Variants in AGBL4 observed in about 807,000 individuals in gnomAD.
AGBL4 encodes cytosolic carboxypeptidase 6.
A neutral mutation model predicts 66.4 loss-of-function variants in AGBL4; 58 were observed. The ratio of observed to expected loss-of-function variants is 0.87; its 90% CI spans 0.71 to 1.09. The LOEUF (loss-of-function observed/expected upper bound fraction) is 1.09, where lower values mean the gene tolerates loss of function less well. Among genes scored for constraint, AGBL4 ranks in the 50% least tolerant of loss-of-function variants. The probability of loss-of-function intolerance (pLI) is 0.00; values close to 1 mark genes in which losing one functional copy is unlikely to be tolerated. For synonymous variants in AGBL4, 234 were observed against 222.9 expected (o/e 1.05, Z -0.44); for missense variants, 579 against 631.0 (o/e 0.92, Z 0.88).
At chr1:49,101,188 CTT>C (rs921139596) in intron 4 of AGBL4, among the ~76,000 whole-genome samples, 8 of 143,890 alleles carry the variant, frequency 5.6e-5, no homozygotes, top group Admixed American at 7.0e-5. Context: ...ACTTTTTATT[CTT>C]TTTTTTTTTT....
intron 3 of AGBL4, among the ~76,000 whole-genome samples, chr1:49,610,975 C>A (rs1422680175): frequency 6.6e-6 from 1 of 152,012 alleles, no homozygotes; most frequent in African/African-American, 2.4e-5. Flanking sequence ...AATTGGAAAA[C>A]CAACCAGGGA....
chr1:49,283,705 A>G (rs1257636615), intron 3 of AGBL4, among the ~76,000 whole-genome samples: 1 of 151,170 alleles, frequency 6.6e-6, no homozygotes, highest in African/African-American at 2.4e-5. Context: ...CCAAGGCTCA[A>G]GAACTACGTG....
At chr1:48,904,203 T>C (rs1652363801) in intron 5 of AGBL4, among the ~76,000 whole-genome samples, 2 of 152,160 alleles carry the variant, frequency 1.3e-5, no homozygotes, top group Admixed American at 1.3e-4. Flanking sequence ...CATTTGAACC[T>C]GGGAGGCAGA....
chr1:49,957,319 G>C (rs1472279670), intron 1 of AGBL4, among the ~76,000 whole-genome samples: 1 of 152,102 alleles, frequency 6.6e-6, no homozygotes, highest in Non-Finnish European at 1.5e-5. Flanking sequence ...GTGGTGCTGA[G>C]AAGAATGCAT....
At chr1:48,607,346 G>A (rs1253416005) in intron 9 of AGBL4, among the ~76,000 whole-genome samples, 1 of 152,088 alleles carries the variant, frequency 6.6e-6, no homozygotes, top group Non-Finnish European at 1.5e-5. Context: ...GGCCAGGTGC[G>A]GTAGTTCACT....
intron 9 of AGBL4, among the ~76,000 whole-genome samples, chr1:48,622,463 T>C (rs1014714609): frequency 6.6e-5 from 10 of 151,188 alleles, no homozygotes; most frequent in African/African-American, 2.4e-4. Flanking sequence ...AAGGAATCTT[T>C]TATTCAAATA....
At chr1:49,344,067 A>G (rs1645592130) in intron 3 of AGBL4, among the ~76,000 whole-genome samples, 1 of 152,168 alleles carries the variant, frequency 6.6e-6, no homozygotes, top group Admixed American at 6.6e-5. Context: ...TCTTGAGGAC[A>G]TGTAGAGTTA....
chr1:48,951,006 T>C (rs1446355426), intron 5 of AGBL4, among the ~76,000 whole-genome samples: 10 of 152,208 alleles, frequency 6.6e-5, no homozygotes, highest in Admixed American at 5.2e-4. Context: ...AGTAAACTAA[T>C]ATCATATAAG....
At chr1:48,663,374 A>G (rs1646138072) in intron 6 of AGBL4, 133 bp from the exon 7 acceptor site, 5 of 766,800 alleles carry the variant, frequency 6.5e-6, no homozygotes, top group Admixed American at 6.2e-5. Flanking sequence ...CTGGGTTAGA[A>G]TCATTAAGGT....
intron 9 of AGBL4, among the ~76,000 whole-genome samples, chr1:48,614,430 CCTAA>C (rs1397806961): frequency 6.6e-6 from 1 of 152,158 alleles, no homozygotes; most frequent in East Asian, 1.9e-4. Flanking sequence ...ACTCATTAAT[CCTAA>C]CTAACTTGAA....
intron 3 of AGBL4, among the ~76,000 whole-genome samples, chr1:49,272,153 C>T (rs758222618): frequency 7.2e-5 from 11 of 152,240 alleles, no homozygotes; most frequent in South Asian, 2.1e-4. Flanking sequence ...GTCTTTATAA[C>T]GGAGTAAAAT....
intron 4 of AGBL4, among the ~76,000 whole-genome samples, chr1:49,053,490 C>A (rs961084741): frequency 3.9e-5 from 6 of 151,994 alleles, no homozygotes; most frequent in Non-Finnish European, 7.4e-5. Flanking sequence ...CATGTTGTAA[C>A]CTTCAAGATA....
intron 3 of AGBL4, among the ~76,000 whole-genome samples, chr1:49,313,083 T>G (rs534547215): frequency 2.0e-4 from 30 of 152,148 alleles, no homozygotes; most frequent in African/African-American, 7.2e-4. Flanking sequence ...ATCCATGTGT[T>G]CTCATTGTTC....
chr1:49,157,692 C>T (rs1646461047), intron 4 of AGBL4, among the ~76,000 whole-genome samples: 1 of 152,142 alleles, frequency 6.6e-6, no homozygotes, highest in Non-Finnish European at 1.5e-5. Flanking sequence ...TTTAAATTCC[C>T]ACCAACAGTG....
chr1:50,008,851 C>G (rs955318858), intron 1 of AGBL4, among the ~76,000 whole-genome samples: 1 of 151,978 alleles, frequency 6.6e-6, no homozygotes, highest in Non-Finnish European at 1.5e-5. Context: ...TTCAAAGGAT[C>G]ATTAGAGGCC....
At chr1:49,441,886 C>A (rs1200530860) in intron 3 of AGBL4, among the ~76,000 whole-genome samples, 2 of 152,078 alleles carry the variant, frequency 1.3e-5, no homozygotes, top group Admixed American at 6.6e-5. Flanking sequence ...ACAAAATGGC[C>A]ACGGTGGCAG....
At chr1:49,919,137 G>A (rs1651917066) in intron 1 of AGBL4, among the ~76,000 whole-genome samples, 2 of 152,082 alleles carry the variant, frequency 1.3e-5, no homozygotes, top group Non-Finnish European at 2.9e-5. Context: ...CATACTCAAT[G>A]GACAAAAACT....
chr1:48,564,782 C>T (rs1252679318), intron 11 of AGBL4, among the ~76,000 whole-genome samples: 1 of 152,238 alleles, frequency 6.6e-6, no homozygotes, highest in Non-Finnish European at 1.5e-5. Flanking sequence ...AACCAACTCA[C>T]CAGACAACAA....
intron 3 of AGBL4, among the ~76,000 whole-genome samples, chr1:49,375,707 CA>C (rs1260669568): frequency 6.6e-6 from 1 of 152,076 alleles, no homozygotes; most frequent in African/African-American, 2.4e-5. Context: ...CACAATTCAT[CA>C]TTTCTTCACA....
Sources: allele counts gnomAD v4.1 joint callset (sites outside exome capture counted in the v4.1 genomes callset), GRCh38; gene constraint gnomAD v4.1.1; transcripts MANE v1.5; gene names NCBI Gene and HGNC (gene_info 2026-07-23, HGNC 2026-07-21).